ARHGAP15: variants seen among roughly 807,000 people sequenced by gnomAD.
ARHGAP15 encodes the protein rho GTPase-activating protein 15.
A neutral mutation model predicts 63.7 loss-of-function variants in ARHGAP15; 51 were observed. The observed-to-expected ratio is 0.80, with a 90% CI of 0.64 to 1.01. The LOEUF (loss-of-function observed/expected upper bound fraction) is 1.01. Among genes scored for constraint, ARHGAP15 ranks in the 50% least tolerant of loss-of-function variants. The pLI is 0.00. For missense variants in ARHGAP15, 560 were observed against 564.6 expected (o/e 0.99, Z 0.08); for synonymous variants, 191 against 193.8 (o/e 0.99, Z 0.12).
intron 13 of ARHGAP15, among the ~76,000 whole-genome samples, chr2:143,762,045 A>G (rs1211351423): frequency 2.6e-5 from 4 of 152,188 alleles, no homozygotes; most frequent in Non-Finnish European, 4.4e-5. Flanking sequence ...AAAACTAAGC[A>G]GTATAAATAA....
At chr2:143,732,810 A>G (rs1685591328) in intron 13 of ARHGAP15, among the ~76,000 whole-genome samples, 1 of 152,060 alleles carries the variant, frequency 6.6e-6, no homozygotes, top group African/African-American at 2.4e-5. Context: ...TTTAAAAAAC[A>G]GAGATGAGGG....
At chr2:143,278,611 T>C (rs1254992369) in intron 6 of ARHGAP15, among the ~76,000 whole-genome samples, 3 of 152,154 alleles carry the variant, frequency 2.0e-5, no homozygotes, top group Non-Finnish European at 4.4e-5. Flanking sequence ...ATGCAGGGTT[T>C]TTTTCCATTC....
intron 6 of ARHGAP15, among the ~76,000 whole-genome samples, chr2:143,398,812 C>T (rs530088774): frequency 4.0e-5 from 6 of 149,782 alleles, no homozygotes; most frequent in Non-Finnish European, 8.9e-5. Flanking sequence ...CATCTAATTA[C>T]GGAGGATTTT....
intron 6 of ARHGAP15, among the ~76,000 whole-genome samples, chr2:143,357,519 T>C (rs1376947277): frequency 2.6e-5 from 4 of 152,210 alleles, no homozygotes; most frequent in Non-Finnish European, 5.9e-5. Flanking sequence ...TTAACTTTCC[T>C]CTTTAATGCT....
chr2:143,548,266 T>G (rs1051939108), intron 10 of ARHGAP15, among the ~76,000 whole-genome samples: 2 of 152,074 alleles, frequency 1.3e-5, no homozygotes, highest in Non-Finnish European at 2.9e-5. Context: ...ATGATCCCAA[T>G]TGCCCAAGTG....
intron 6 of ARHGAP15, among the ~76,000 whole-genome samples, chr2:143,332,219 T>C (rs535040237): frequency 6.6e-6 from 1 of 152,224 alleles, no homozygotes; most frequent in South Asian, 2.1e-4. Flanking sequence ...TTCTTCTCTT[T>C]GAAATGAGTA....
At chr2:143,323,753 G>A (rs1437563862) in intron 6 of ARHGAP15, among the ~76,000 whole-genome samples, 1 of 151,630 alleles carries the variant, frequency 6.6e-6, no homozygotes, top group East Asian at 1.9e-4. Context: ...CGGGCGTTGT[G>A]GCGGACACCT....
chr2:143,673,721 A>ATT, intron 12 of ARHGAP15, among the ~76,000 whole-genome samples: 3 of 66,082 alleles, frequency 4.5e-5, no homozygotes, highest in Admixed American at 2.1e-4. Flanking sequence ...AAGGCCTTAT[A>ATT]TTGTGTGTGT....
intron 6 of ARHGAP15, among the ~76,000 whole-genome samples, chr2:143,336,155 C>T (rs1042250883): frequency 3.3e-5 from 5 of 152,108 alleles, no homozygotes; most frequent in Non-Finnish European, 5.9e-5. Context: ...AGCACAGCAG[C>T]ACACCGCCAC....
intron 2 of ARHGAP15, among the ~76,000 whole-genome samples, chr2:143,156,837 T>C (rs1690099872): frequency 6.6e-6 from 1 of 151,916 alleles, no homozygotes; most frequent in Non-Finnish European, 1.5e-5. Flanking sequence ...TCCTGGGAGG[T>C]ACAACACTGC....
chr2:143,635,194 C>CTTTTTTTTT lies in ARHGAP15; in HGVS notation c.1138+10948_1138+10956dup, dbSNP rs10558886. On this transcript the variant is annotated intron_variant, in intron 12 of 13. Transcript: ENST00000295095. The stretch of plus-strand genomic sequence containing the variant: ...AACTTTCATATTAACCTCTCAGGAG[C>CTTTTTTTTT]TTTTTTTTTTTTTTTTTTTTTTTTT... 2.6e-4 allele frequency among the ~76,000 whole-genome samples: 7 copies of CTTTTTTTTT among 26,884 alleles called. 1 individual carries two copies. The highest frequency in any genetic ancestry group is 0.038 in the Middle Eastern group (1 of 26). 17.6% of individuals were successfully genotyped at this position (26,884 alleles called of 152,430 possible).
chr2:143,438,322 A>G (rs997153281), intron 8 of ARHGAP15, among the ~76,000 whole-genome samples: 1 of 152,168 alleles, frequency 6.6e-6, no homozygotes, highest in Non-Finnish European at 1.5e-5. Flanking sequence ...ACGTGTACAT[A>G]TATGTGTGCA....
At chr2:143,501,784 G>A (rs893595754) in intron 9 of ARHGAP15, among the ~76,000 whole-genome samples, 1 of 152,204 alleles carries the variant, frequency 6.6e-6, no homozygotes, top group Admixed American at 6.5e-5. Flanking sequence ...ACAGTGATAT[G>A]GACAAAGTAT....
chr2:143,336,781 C>T (rs1055021029), intron 6 of ARHGAP15, among the ~76,000 whole-genome samples: 8 of 152,118 alleles, frequency 5.3e-5, no homozygotes, highest in African/African-American at 1.9e-4. Context: ...GCTAACTGGA[C>T]TATTTTGTGT....
intron 9 of ARHGAP15, among the ~76,000 whole-genome samples, chr2:143,494,386 T>G (rs1280619818): frequency 6.6e-6 from 1 of 152,138 alleles, no homozygotes; most frequent in Non-Finnish European, 1.5e-5. Context: ...TCACATACCA[T>G]GAAAACAAAA....
At chr2:143,666,634 C>T (rs1682205172) in intron 12 of ARHGAP15, among the ~76,000 whole-genome samples, 1 of 113,350 alleles carries the variant, frequency 8.8e-6, no homozygotes, top group Admixed American at 9.0e-5. Context: ...GAACAGGCAA[C>T]CTACAACATG....
At chr2:143,477,232 A>T (rs1691863182) in intron 8 of ARHGAP15, among the ~76,000 whole-genome samples, 1 of 151,768 alleles carries the variant, frequency 6.6e-6, no homozygotes, top group African/African-American at 2.4e-5. Context: ...ACACATATAC[A>T]GCAGCTAAGG....
chr2:143,746,182 C>T (rs968993342), intron 13 of ARHGAP15, among the ~76,000 whole-genome samples: 4 of 152,128 alleles, frequency 2.6e-5, no homozygotes, highest in African/African-American at 7.2e-5. Flanking sequence ...AACCTCATGA[C>T]TTCCACATTC....
At chr2:143,425,334 GCT>G (rs1482672937) in intron 6 of ARHGAP15, among the ~76,000 whole-genome samples, 1 of 151,504 alleles carries the variant, frequency 6.6e-6, no homozygotes, top group Admixed American at 6.6e-5. Flanking sequence ...TTTCTGTTGT[GCT>G]CTCTTTATAT....
Sources: gnomAD v4.1 joint callset for allele counts (sites outside exome capture counted in the v4.1 genomes callset) on GRCh38, gnomAD v4.1.1 for gene constraint, MANE v1.5 for transcripts, NCBI Gene and HGNC (gene_info 2026-07-23, HGNC 2026-07-21) for gene names.